HMGCLL1: variants seen among roughly 807,000 people sequenced by gnomAD.
HMGCLL1 encodes 3-hydroxymethyl-3-methylglutaryl-CoA lyase, cytoplasmic.
In HMGCLL1, 36 loss-of-function variants were observed where a neutral mutation model predicts 39.1. The ratio of observed to expected loss-of-function variants is 0.92; its 90% CI spans 0.71 to 1.22. HMGCLL1 has a LOEUF of 1.22. HMGCLL1 is among the 50% of genes most tolerant of loss of function. HMGCLL1 has a pLI of 0.00. For missense variants in HMGCLL1, 451 were observed against 416.5 expected, an observed-to-expected ratio of 1.08 and a Z score of -0.72; for synonymous variants, 149 against 144.0, an observed-to-expected ratio of 1.03 and a Z score of -0.25.
chr6:55,667,373 G>T, the HMGCLL1 span, among the ~76,000 whole-genome samples: 1 of 151,728 alleles, frequency 6.6e-6, no homozygotes, highest in African/African-American at 2.4e-5. Context: ...ATGTACCAGG[G>T]TTTACATTTA....
chr6:55,437,470 A>G (rs946364020), intron 8 of HMGCLL1, among the ~76,000 whole-genome samples: 1 of 152,040 alleles, frequency 6.6e-6, no homozygotes, highest in African/African-American at 2.4e-5. Flanking sequence ...AGAAGGGTAA[A>G]GCCTGACCTG....
Position 55,578,954 on chromosome 6 carries a change from G to T in HMGCLL1, c.102C>A (p.Pro34=). 1 of 1,610,546 alleles carries T rather than the reference G, an allele frequency of 6.2e-7. No homozygotes were observed. Among genetic ancestry groups the T allele is most frequent in the South Asian group, 1.1e-5 (1 of 90,538 alleles). Reference sequence around the variant, plus strand: ...CTGGGCCGCGAGGTGGTACCTGCGCGGGGTCGAGCGCCCCTGCCACTGAAT... The same window carrying T: ...CTGGGCCGCGAGGTGGTACCTGCGCTGGGTCGAGCGCCCCTGCCACTGAAT... ...IGDSVAGALD[P]AQETSQLSGL... is the part of the protein sequence containing the mutation. The change falls in exon 1 of 9, where the codon CCC becomes CCA. Residue 34 remains proline, a synonymous_variant. Coordinates refer to ENST00000274901, the MANE Select transcript of HMGCLL1 (RefSeq NM_001042406.2).
At chr6:55,569,430 A>T (rs1771363915) in intron 1 of HMGCLL1, among the ~76,000 whole-genome samples, 1 of 152,214 alleles carries the variant, frequency 6.6e-6, no homozygotes, top group Non-Finnish European at 1.5e-5. Context: ...TATATTTAAT[A>T]AACAATTTAG....
At chr6:55,542,430 T>C (rs1769497021) in intron 1 of HMGCLL1, among the ~76,000 whole-genome samples, 1 of 152,050 alleles carries the variant, frequency 6.6e-6, no homozygotes, top group African/African-American at 2.4e-5. Flanking sequence ...AAAGATCAAA[T>C]CTGTTGGGTG....
intron 7 of HMGCLL1, among the ~76,000 whole-genome samples, chr6:55,471,858 G>A (rs1038174354): frequency 2.0e-5 from 3 of 151,332 alleles, no homozygotes; most frequent in Non-Finnish European, 3.0e-5. Flanking sequence ...TCCTACTCCT[G>A]TGTAAACATC....
intron 1 of HMGCLL1, among the ~76,000 whole-genome samples, chr6:55,547,303 AGT>A (rs1770034923): frequency 6.6e-6 from 1 of 151,982 alleles, no homozygotes. Context: ...AAATATTTAG[AGT>A]GTGTGTGGGT....
intron 1 of HMGCLL1, among the ~76,000 whole-genome samples, chr6:55,548,785 T>C (rs1259655679): frequency 6.7e-6 from 1 of 150,028 alleles, no homozygotes; most frequent in Non-Finnish European, 1.5e-5. Flanking sequence ...GATTAGAGAA[T>C]ATTAAGTAAT....
chr6:55,622,232 G>A, the HMGCLL1 span, among the ~76,000 whole-genome samples: 1 of 151,974 alleles, frequency 6.6e-6, no homozygotes, highest in African/African-American at 2.4e-5. Context: ...ATAATTTGAA[G>A]TCTTCCTTTC....
chr6:55,601,855 C>T, the HMGCLL1 span, among the ~76,000 whole-genome samples: 3 of 152,076 alleles, frequency 2.0e-5, no homozygotes, highest in Admixed American at 6.6e-5. Flanking sequence ...ATATTTCAAA[C>T]ATAAGTAATA....
chr6:55,512,404 T>C (rs949313152), intron 5 of HMGCLL1: 6 of 152,098 alleles, frequency 3.9e-5, no homozygotes, highest in African/African-American at 1.4e-4. Flanking sequence ...ACCAATAGTA[T>C]ATCTCTCCTT....
intron 3 of HMGCLL1, among the ~76,000 whole-genome samples, chr6:55,539,051 C>T (rs375449716): frequency 5.5e-4 from 84 of 152,150 alleles, no homozygotes; most frequent in Middle Eastern, 3.4e-3. Context: ...TGCAGAGAAA[C>T]GCAGAAATAC....
chr6:55,435,912 A>G, intron 8 of HMGCLL1, 149 bp from the exon 9 acceptor site: 1 of 469,608 alleles, frequency 2.1e-6, no homozygotes, highest in Non-Finnish European at 3.8e-6. Flanking sequence ...TTGGGGCAAC[A>G]TTTGTTTCCA....
the HMGCLL1 span, among the ~76,000 whole-genome samples, chr6:55,615,610 T>C: frequency 6.6e-6 from 1 of 152,298 alleles, no homozygotes; most frequent in Admixed American, 6.5e-5. Flanking sequence ...AAATAAAATA[T>C]ATAGCATTTG....
intron 7 of HMGCLL1, among the ~76,000 whole-genome samples, chr6:55,494,268 T>C (rs1766468629): frequency 6.6e-6 from 1 of 152,080 alleles, no homozygotes; most frequent in Non-Finnish European, 1.5e-5. Context: ...CACAAATAAA[T>C]GATTACTCAA....
chr6:55,491,161 T>C (rs1766290462), intron 7 of HMGCLL1, among the ~76,000 whole-genome samples: 1 of 152,184 alleles, frequency 6.6e-6, no homozygotes, highest in Non-Finnish European at 1.5e-5. Flanking sequence ...CAAAGAGGTT[T>C]ATCTGGCTAG....
At chr6:55,666,413 A>G in the HMGCLL1 span, among the ~76,000 whole-genome samples, 1 of 151,732 alleles carries the variant, frequency 6.6e-6, no homozygotes, top group African/African-American at 2.4e-5. Context: ...CCCGAGTTAA[A>G]GTCAGGGTAG....
chr6:55,491,508 CAGA>C (rs1766310043), intron 7 of HMGCLL1, among the ~76,000 whole-genome samples: 1 of 152,138 alleles, frequency 6.6e-6, no homozygotes, highest in Non-Finnish European at 1.5e-5. Flanking sequence ...CATAGTACTT[CAGA>C]AGAAGAAATG....
chr6:55,587,709 A>G, the HMGCLL1 span, among the ~76,000 whole-genome samples: 2 of 152,132 alleles, frequency 1.3e-5, no homozygotes, highest in Non-Finnish European at 2.9e-5. Context: ...ACGGAGGAAG[A>G]TCTATCAAGC....
intron 7 of HMGCLL1, among the ~76,000 whole-genome samples, chr6:55,443,751 T>G (rs1264387058): frequency 6.6e-6 from 1 of 152,118 alleles, no homozygotes; most frequent in Non-Finnish European, 1.5e-5. Flanking sequence ...TTTTATACTT[T>G]CAGACTGACA....
Sources: gnomAD v4.1 joint callset for allele counts (sites outside exome capture counted in the v4.1 genomes callset) on GRCh38, gnomAD v4.1.1 for gene constraint, MANE v1.5 for transcripts, NCBI Gene and HGNC (gene_info 2026-07-23, HGNC 2026-07-21) for gene names.